Variants in PPP2R2B observed in about 807,000 individuals in gnomAD.
The protein encoded by PPP2R2B is protein phosphatase 2 regulatory subunit Bbeta.
In PPP2R2B, 5 loss-of-function variants were observed where a neutral mutation model predicts 46.0. The observed-to-expected ratio is 0.11, with a 90% CI of 0.06 to 0.23. The LOEUF (loss-of-function observed/expected upper bound fraction) is 0.23. Ranked by LOEUF, PPP2R2B falls within the 10% of genes least tolerant of loss-of-function variation. The probability of loss-of-function intolerance (pLI) is 1.00; values close to 1 mark genes in which losing one functional copy is unlikely to be tolerated. For missense variants in PPP2R2B, 367 were observed against 575.0 expected (o/e 0.64, Z 3.70); for synonymous variants, 215 against 206.7 (o/e 1.04, Z -0.34).
At chr5:146,681,287 A>T (rs1028702289) in intron 5 of PPP2R2B, among the ~76,000 whole-genome samples, 1 of 152,230 alleles carries the variant, frequency 6.6e-6, no homozygotes, top group Non-Finnish European at 1.5e-5. Flanking sequence ...TTCTATTAGT[A>T]AAGTCTAGTT....
intron 1 of PPP2R2B, among the ~76,000 whole-genome samples, chr5:146,964,032 G>A (rs145488586): frequency 9.2e-5 from 14 of 152,286 alleles, no homozygotes; most frequent in Non-Finnish European, 1.8e-4. Context: ...AGGCATGTAG[G>A]CCATCCAAAT....
intron 4 of PPP2R2B, among the ~76,000 whole-genome samples, chr5:146,697,309 C>G (rs749990732): frequency 1.3e-5 from 2 of 152,164 alleles, no homozygotes; most frequent in Non-Finnish European, 1.5e-5. Flanking sequence ...ATTTAAGAAC[C>G]TGGAGGTTAG....
At chr5:147,057,779 C>T (rs970436252), upstream of PPP2R2B, among the ~76,000 whole-genome samples, 2 of 152,144 alleles carry the variant, frequency 1.3e-5, no homozygotes, top group Non-Finnish European at 2.9e-5. Flanking sequence ...GTTAGACAGC[C>T]AGGGTTTAAT....
chr5:146,689,889 C>T (rs1401734503), intron 5 of PPP2R2B, among the ~76,000 whole-genome samples: 1 of 152,226 alleles, frequency 6.6e-6, no homozygotes, highest in Non-Finnish European at 1.5e-5. Flanking sequence ...AGCAGCTCAA[C>T]TGAAGACCAT....
At chr5:146,593,750 A>C (rs1375656683) in intron 8 of PPP2R2B, among the ~76,000 whole-genome samples, 1 of 152,154 alleles carries the variant, frequency 6.6e-6, no homozygotes, top group African/African-American at 2.4e-5. Flanking sequence ...GGAATCCTGG[A>C]GGGAGTGTGG....
chr5:146,591,643 T>A (rs990467996), intron 9 of PPP2R2B, among the ~76,000 whole-genome samples: 8 of 150,724 alleles, frequency 5.3e-5, no homozygotes, highest in Non-Finnish European at 8.8e-5. Context: ...ATGACCCGAC[T>A]TATTTTTAAA....
intron 2 of PPP2R2B, among the ~76,000 whole-genome samples, chr5:146,741,769 ATCATG>A (rs1224239716): frequency 6.6e-6 from 1 of 152,220 alleles, no homozygotes; most frequent in Non-Finnish European, 1.5e-5. Flanking sequence ...AATGTAGTCT[ATCATG>A]TCATATTTGA....
chr5:146,938,954 G>T (rs965767037), intron 1 of PPP2R2B, among the ~76,000 whole-genome samples: 2 of 151,680 alleles, frequency 1.3e-5, no homozygotes, highest in Non-Finnish European at 2.9e-5. Context: ...CTAATTTTTT[G>T]TATTTTAGTA....
chr5:146,808,958 G>GGTGTGTGTGTGTGTGTGT (rs35023590), intron 2 of PPP2R2B, among the ~76,000 whole-genome samples: 23 of 146,252 alleles, frequency 1.6e-4, no homozygotes, highest in African/African-American at 6.0e-4. Context: ...TGCTAACACT[G>GGTGTGTGTGTGTGTGTGT]GTGTGTGTGT....
intron 1 of PPP2R2B, among the ~76,000 whole-genome samples, chr5:146,971,470 T>A (rs1752658175): frequency 6.6e-6 from 1 of 152,210 alleles, no homozygotes; most frequent in Admixed American, 6.5e-5. Context: ...AAATTTTACC[T>A]TGAAAGAATG....
intron 5 of PPP2R2B, among the ~76,000 whole-genome samples, chr5:146,664,972 G>A (rs1015757842): frequency 6.0e-5 from 9 of 149,488 alleles, no homozygotes; most frequent in African/African-American, 2.0e-4. Context: ...TCAACAGTGG[G>A]TTTAAAATAT....
intron 2 of PPP2R2B, among the ~76,000 whole-genome samples, chr5:146,788,105 C>T (rs1459434066): frequency 2.6e-5 from 4 of 152,014 alleles, no homozygotes; most frequent in African/African-American, 9.7e-5. Flanking sequence ...TCCTCCATGC[C>T]GTTGTGTGAG....
chr5:147,008,037 G>C (rs569122172), intron 1 of PPP2R2B, among the ~76,000 whole-genome samples: 1 of 152,264 alleles, frequency 6.6e-6, no homozygotes, highest in African/African-American at 2.4e-5. Flanking sequence ...AAAACCTTTG[G>C]ATCGATTCTT....
rs189297148 is a variant in PPP2R2B, at chr5:146,983,249, C to T, written c.79+72416G>A. On this transcript the variant is annotated intron_variant, in intron 1 of 8. Transcript: ENST00000336640. Reference sequence around the variant, plus strand: ...AGGCTGGAGTGCAGTGGCACAATCTCGGCTCACTGCAAGCTCCACCTCCCG... The same window carrying T: ...AGGCTGGAGTGCAGTGGCACAATCTTGGCTCACTGCAAGCTCCACCTCCCG... Among the ~76,000 whole-genome samples, 743 of 130,614 alleles carry T rather than the reference C, an allele frequency of 5.7e-3. 3 individuals carry two copies. Among genetic ancestry groups the T allele is most frequent in the African/African-American group, 0.019 (684 of 35,956 alleles). The allele number at this position is 130,614 out of a possible 152,430, so 85.7% of individuals were successfully genotyped here.
At chr5:146,925,788 G>A (rs1015159343) in intron 1 of PPP2R2B, among the ~76,000 whole-genome samples, 2 of 152,002 alleles carry the variant, frequency 1.3e-5, no homozygotes, top group African/African-American at 4.8e-5. Context: ...TTCTGTGCTT[G>A]AGCTTGTCCC....
intron 2 of PPP2R2B, among the ~76,000 whole-genome samples, chr5:146,753,244 A>C (rs898611391): frequency 5.9e-5 from 9 of 152,344 alleles, no homozygotes. Context: ...GTTATTGTCC[A>C]TGAAATGCTT....
chr5:146,828,785 A>G (rs932463253), intron 2 of PPP2R2B, among the ~76,000 whole-genome samples: 2 of 152,218 alleles, frequency 1.3e-5, no homozygotes, highest in African/African-American at 2.4e-5. Context: ...GTTCTAAATC[A>G]CATTTGATTT....
intron 7 of PPP2R2B, among the ~76,000 whole-genome samples, chr5:146,621,298 T>C (rs569901891): frequency 6.6e-6 from 1 of 152,370 alleles, no homozygotes; most frequent in East Asian, 1.9e-4. Context: ...GGCACTGCGC[T>C]AAACTCTTTA....
At chr5:147,036,849 G>T (rs1756060867) in intron 1 of PPP2R2B, among the ~76,000 whole-genome samples, 1 of 152,184 alleles carries the variant, frequency 6.6e-6, no homozygotes, top group South Asian at 2.1e-4. Flanking sequence ...GGCTTAATTT[G>T]TGTCTAGATT....
Sources: gnomAD v4.1 joint callset for allele counts (sites outside exome capture counted in the v4.1 genomes callset) on GRCh38, gnomAD v4.1.1 for gene constraint, MANE v1.5 for transcripts, NCBI Gene and HGNC (gene_info 2026-07-23, HGNC 2026-07-21) for gene names.